STAP2: variants seen among roughly 807,000 people sequenced by gnomAD.
STAP2 encodes signal transducing adaptor family member 2.
In STAP2, 58 loss-of-function variants were observed where a neutral mutation model predicts 52.7. That is an observed-to-expected ratio of 1.10 (90% CI 0.89 to 1.37). The LOEUF (loss-of-function observed/expected upper bound fraction) is 1.37, where lower values mean the gene tolerates loss of function less well. Ranked by LOEUF, STAP2 falls within the 40% of genes most tolerant of loss-of-function variation. The pLI, the probability that STAP2 is intolerant of heterozygous loss-of-function variation, is 0.00. For synonymous variants in STAP2, 231 were observed against 210.5 expected, an observed-to-expected ratio of 1.10 and a Z score of -0.84; for missense variants, 522 against 519.4, an observed-to-expected ratio of 1.00 and a Z score of -0.05.
intron 12 of STAP2, 87 bp from the exon 13 acceptor site, chr19:4,324,284 A>G (rs977102261): frequency 1.4e-6 from 2 of 1,425,616 alleles, no homozygotes; most frequent in Non-Finnish European, 1.9e-6. Flanking sequence ...GACCAGCTAC[A>G]GATTTGCAGG....
At chr19:4,333,840 C>G in intron 2 of STAP2, 24 bp from the exon 3 acceptor site, 1 of 1,613,794 alleles carries the variant, frequency 6.2e-7, no homozygotes, top group Non-Finnish European at 8.5e-7. Flanking sequence ...AGCAGGGGAT[C>G]TGGGCACCAG....
chr19:4,327,591 CCAGCACTGCTCCCAGCGGGGA>C (rs1971816141), intron 6 of STAP2, among the ~76,000 whole-genome samples: 1 of 152,068 alleles, frequency 6.6e-6, no homozygotes, highest in African/African-American at 2.4e-5. Context: ...CTGCCCGATC[CCAGCACTGCTCCCAGCGGGGA>C]CCAGGCCCGA....
rs1174709650 is a variant in STAP2, at chr19:4,338,778, G to T, written c.-25C>A. 1 of 1,597,110 alleles carries T rather than the reference G, an allele frequency of 6.3e-7. No individual in the cohort carries two copies. Among genetic ancestry groups the T allele is most frequent in the Non-Finnish European group, 8.6e-7 (1 of 1,169,376 alleles). ...TGACGGAGCCAGGGTCTTCCGCCTG[G>T]CCTCTCCTTCCAGTGGGTGCCCCAG... On this transcript the variant is annotated 5_prime_UTR_variant, in exon 1 of 13. Transcript: ENST00000594605.
In STAP2 at chr19:4,328,659, A is replaced by G. The variant is rs1599549955; in HGVS notation, c.590+16T>C. 3.8e-6 allele frequency: 5 copies of G among 1,333,186 alleles called. No homozygotes were observed. The highest frequency in any genetic ancestry group is 4.0e-6 in the Non-Finnish European group (4 of 1,006,620). The allele number at this position is 1,333,186 out of a possible 1,614,324, so 82.6% of individuals were successfully genotyped here. The stretch of plus-strand genomic sequence containing the variant: ...ACCCTCCTCCCACCCAGGGCTCTCC[A>G]GACGCGCATGCGCACCCGTTGTGCA... On this transcript the variant is annotated intron_variant, in intron 6 of 12. Transcript: ENST00000594605.
At chr19:4,338,519 C>G (rs1004643406) in intron 1 of STAP2, 133 bp downstream of exon 1, 117 of 805,438 alleles carry the variant, frequency 1.5e-4, no homozygotes, top group Non-Finnish European at 2.1e-4. Flanking sequence ...CCACCCCAGT[C>G]CCCCAGCACG....
At chr19:4,326,360 G>A (rs969544456) in intron 9 of STAP2, among the ~76,000 whole-genome samples, 6 of 152,212 alleles carry the variant, frequency 3.9e-5, no homozygotes, top group African/African-American at 1.4e-4. Flanking sequence ...GATCATGCAT[G>A]TGTAATGTGT....
chr19:4,332,581 G>A (rs1348770541), intron 3 of STAP2, among the ~76,000 whole-genome samples: 4 of 151,970 alleles, frequency 2.6e-5, no homozygotes, highest in Non-Finnish European at 5.9e-5. Flanking sequence ...GCTCACTCAC[G>A]CCTGTAATCC....
intron 1 of STAP2, among the ~76,000 whole-genome samples, chr19:4,336,515 A>G (rs1391967216): frequency 2.0e-5 from 3 of 146,524 alleles, no homozygotes; most frequent in Non-Finnish European, 4.5e-5. Flanking sequence ...GGGTTTCATC[A>G]TGTGGCCAGG....
chr19:4,330,125 G>A (rs1252867247), intron 4 of STAP2, 64 bp from the exon 5 acceptor site: 1 of 1,334,518 alleles, frequency 7.5e-7, no homozygotes, highest in African/African-American at 1.4e-5. Context: ...CTGTGCCCAA[G>A]TCACAGAGTG....
At chr19:4,330,222 A>G (rs1018164776) in intron 4 of STAP2, among the ~76,000 whole-genome samples, 161 bp from the exon 5 acceptor site, 1 of 152,078 alleles carries the variant, frequency 6.6e-6, no homozygotes, top group African/African-American at 2.4e-5. Context: ...GGAGTGTTGC[A>G]TGAGAGTAGA....
At chr19:4,324,978 CA>C (rs879722750) in intron 11 of STAP2, 18,586 of 367,550 alleles carry the variant, frequency 0.051, no homozygotes, top group South Asian at 0.078. Flanking sequence ...ACTAAAAATA[CA>C]AAAAAAAAAA....
At chr19:4,333,941 GC>G in intron 2 of STAP2, 31 bp downstream of exon 2, 2 of 1,610,932 alleles carry the variant, frequency 1.2e-6, no homozygotes, top group Non-Finnish European at 1.7e-6. Context: ...TCAAGGGAAG[GC>G]CTGCTCTGGA....
Position 4,332,174 on chromosome 19 carries a change from C to A in STAP2, c.298-96G>T, listed in dbSNP as rs574167386. On this transcript the variant is annotated intron_variant, in intron 3 of 12. Coordinates refer to ENST00000594605, the MANE Select transcript of STAP2 (RefSeq NM_001013841.2). ...GGGAAGAGTCCCTGCTTCAAAGGGC[C>A]GTTTTCTTTTTTCTTTTTCTTCTTT... 1.1e-4 allele frequency: 90 copies of A among 826,790 alleles called. No homozygotes were observed. The African/African-American group carries it at 1.5e-3, about 14-fold the overall frequency. 51.2% of individuals were successfully genotyped at this position (826,790 alleles called of 1,614,324 possible). A position where few individuals can be genotyped will look rare whatever the true frequency, so the allele number is the denominator to read the frequency against.
chr19:4,324,227 G>A, intron 12 of STAP2, 30 bp from the exon 13 acceptor site: 1 of 1,548,582 alleles, frequency 6.5e-7, no homozygotes, highest in Non-Finnish European at 8.7e-7. Context: ...AGCTGCAGCT[G>A]GCTCAGGGAT....
rs533017054 is a variant in STAP2, at chr19:4,327,568, C to T, written c.591-183G>A. Among the ~76,000 whole-genome samples the T allele has an allele frequency of 3.9e-5, 6 of 152,012 alleles. No individual in the cohort carries two copies. The South Asian group carries it at 8.3e-4, about 21-fold the overall frequency. On this transcript the variant is annotated intron_variant, in intron 6 of 12. Coordinates refer to ENST00000594605, the MANE Select transcript of STAP2 (RefSeq NM_001013841.2). ...TAAAGGACCTAAGCCCCGTTGACCT[C>T]CCGGAGCACTGACTGCCCGATCCCA...
rs985639958 is a variant in STAP2 at position 4,338,556 on chromosome 19, C to T, written c.102+96G>A. 1.2e-5 allele frequency: 9 copies of T among 722,318 alleles called. 1 individual carries two copies. Among genetic ancestry groups the T allele is most frequent in the South Asian group, 1.1e-4 (6 of 55,372 alleles). The allele number at this position is 722,318 out of a possible 1,614,324, so 44.7% of individuals were successfully genotyped here. A position where few individuals can be genotyped will look rare whatever the true frequency, so the allele number is the denominator to read the frequency against. ...GTCCTGCCCCATCCAGCACCCACCC[C>T]GCCCCCCCTTGGCGAGTGGGGAGAC... On this transcript the variant is annotated intron_variant, in intron 1 of 12. Coordinates refer to ENST00000594605, the MANE Select transcript of STAP2 (RefSeq NM_001013841.2).
chr19:4,337,044 AGG>A (rs1971991494), intron 1 of STAP2, among the ~76,000 whole-genome samples: 1 of 152,002 alleles, frequency 6.6e-6, no homozygotes, highest in Non-Finnish European at 1.5e-5. Flanking sequence ...ACTACAGGTA[AGG>A]GAACCTCAGG....
intron 9 of STAP2, 43 bp from the exon 10 acceptor site, chr19:4,325,588 G>A: frequency 6.5e-7 from 1 of 1,531,058 alleles, no homozygotes; most frequent in Non-Finnish European, 8.7e-7. Context: ...ATGTCATACA[G>A]GGACACCTTG....
chr19:4,337,548 C>CAA (rs376844059), intron 1 of STAP2, among the ~76,000 whole-genome samples: 5 of 100,668 alleles, frequency 5.0e-5, no homozygotes, highest in Non-Finnish European at 1.0e-4. Flanking sequence ...ACCCCATCTT[C>CAA]AAAAAAAAAA....
Sources: gnomAD v4.1 joint callset for allele counts (sites outside exome capture counted in the v4.1 genomes callset) on GRCh38, gnomAD v4.1.1 for gene constraint, MANE v1.5 for transcripts, NCBI Gene and HGNC (gene_info 2026-07-23, HGNC 2026-07-21) for gene names.